IFTAP: variants seen among roughly 807,000 people sequenced by gnomAD.
IFTAP encodes intraflagellar transport-associated protein.
In IFTAP, 19 loss-of-function variants were observed where a neutral mutation model predicts 19.4. The observed-to-expected ratio is 0.98, with a 90% CI of 0.68 to 1.44. The LOEUF (loss-of-function observed/expected upper bound fraction) is 1.44. IFTAP is among the 40% of genes most tolerant of loss of function. IFTAP has a pLI of 0.00. For synonymous variants in IFTAP, 85 were observed against 83.5 expected (o/e 1.02, Z -0.10); for missense variants, 240 against 253.6 (o/e 0.95, Z 0.36).
chr11:36,636,923 GTTTT>G (rs10616172), intron 4 of IFTAP, among the ~76,000 whole-genome samples: 6 of 136,430 alleles, frequency 4.4e-5, no homozygotes, highest in African/African-American at 7.7e-5. Context: ...AAATCAGGAA[GTTTT>G]TTTTTTTTTT....
chr11:36,623,831 C>T (rs944337999), intron 2 of IFTAP, among the ~76,000 whole-genome samples: 11 of 150,778 alleles, frequency 7.3e-5, no homozygotes, highest in African/African-American at 2.7e-4. Flanking sequence ...ATTTCGTACA[C>T]GAAGGTACTT....
chr11:36,646,071 C>T (rs1277762840), intron 4 of IFTAP, among the ~76,000 whole-genome samples: 1 of 152,052 alleles, frequency 6.6e-6, no homozygotes, highest in African/African-American at 2.4e-5. Flanking sequence ...AAGAATTGTT[C>T]CCATGGCAGT....
chr11:36,602,738 A>G (rs1021862802), intron 1 of IFTAP, among the ~76,000 whole-genome samples: 2 of 152,094 alleles, frequency 1.3e-5, no homozygotes, highest in African/African-American at 4.8e-5. Flanking sequence ...TTTTCTTGAT[A>G]AATGTCTAGA....
At position 36,633,383 on chromosome 11, in the gene IFTAP, A is replaced by G. The variant is rs376497358; in HGVS notation, c.236A>G (p.His79Arg). The change falls in exon 3 of 6, where the codon CAT becomes CGT. Residue 79 changes from histidine (H) to arginine (R), a missense_variant. Transcript: ENST00000334307. ...CATAAAAATGAAGCAGATGACTACC[A>G]TCTTAGAAATAAAACCATCTTTCTT... Reference protein sequence around the residue: ...VTHKNEADDYHLRNKTIFLRT... With the variant: ...VTHKNEADDYRLRNKTIFLRT... 408 of 1,604,582 alleles carry G rather than the reference A, an allele frequency of 2.5e-4. No homozygotes were observed. Among genetic ancestry groups the G allele is most frequent in the Non-Finnish European group, 3.4e-4 (396 of 1,175,878 alleles).
At position 36,631,913 on chromosome 11, in the gene IFTAP, ATTC is replaced by A. The variant is rs368139730; in HGVS notation, c.137-1365_137-1363del. 7.2e-3 allele frequency among the ~76,000 whole-genome samples: 1,088 copies of A among 151,282 alleles called. 70 individuals are homozygous for A. Among genetic ancestry groups the A allele is most frequent in the African/African-American group, 0.024 (971 of 40,620 alleles). On this transcript the variant is annotated intron_variant, in intron 2 of 5. Coordinates refer to ENST00000334307, the MANE Select transcript of IFTAP (RefSeq NM_138787.4). ...AGTTCTTCTTTGACTATTGTAAGCCATTCTTCTTTGTCTCCTTTCTGGCTCCCT... is the reference window on the plus strand; with the variant it reads ...AGTTCTTCTTTGACTATTGTAAGCCATTCTTTGTCTCCTTTCTGGCTCCCT...
intron 2 of IFTAP, among the ~76,000 whole-genome samples, chr11:36,620,869 T>G (rs1852263998): frequency 1.7e-5 from 2 of 119,632 alleles, no homozygotes; most frequent in Admixed American, 1.6e-4. Context: ...ATGAAATTGT[T>G]TGATTTACTT....
intron 1 of IFTAP, among the ~76,000 whole-genome samples, chr11:36,604,331 G>A (rs1851616163): frequency 6.6e-6 from 1 of 152,148 alleles, no homozygotes; most frequent in African/African-American, 2.4e-5. Context: ...AGAGGTCTAT[G>A]CCTTTTACAT....
chr11:36,610,395 A>G lies in IFTAP; in HGVS notation c.136+156A>G, dbSNP rs186405840. Among the ~76,000 whole-genome samples, 25 of 152,292 alleles carry G rather than the reference A, an allele frequency of 1.6e-4. No individual in the cohort carries two copies. In the East Asian group the frequency reaches 3.7e-3, roughly 22 times the overall value. On this transcript the variant is annotated intron_variant, in intron 2 of 5. Transcript: ENST00000334307. ...CTAGGGCACTCGTGACTGATGCCCT[A>G]ATGTTACTGATGATATAAATACCAG...
chr11:36,655,924 G>T (rs1487790041), intron 5 of IFTAP, among the ~76,000 whole-genome samples: 2 of 152,090 alleles, frequency 1.3e-5, no homozygotes, highest in Non-Finnish European at 2.9e-5. Flanking sequence ...CCAAGTGACT[G>T]ATGAAGAAAA....
chr11:36,636,295 T>G (rs1035567229), intron 4 of IFTAP, among the ~76,000 whole-genome samples, 178 bp downstream of exon 4: 1 of 152,190 alleles, frequency 6.6e-6, no homozygotes, highest in Non-Finnish European at 1.5e-5. Flanking sequence ...GGTCAAAGCT[T>G]TTTGAAGATT....
chr11:36,638,857 C>G (rs978076266), intron 4 of IFTAP, among the ~76,000 whole-genome samples: 3 of 152,164 alleles, frequency 2.0e-5, no homozygotes, highest in Non-Finnish European at 4.4e-5. Flanking sequence ...GATTTAGGAG[C>G]ATGATTCTTT....
intron 4 of IFTAP, among the ~76,000 whole-genome samples, chr11:36,642,120 A>G (rs1456421387): frequency 1.3e-5 from 2 of 152,218 alleles, no homozygotes; most frequent in Non-Finnish European, 2.9e-5. Context: ...CAAGACTAAT[A>G]AAGAAGAAAA....
At chr11:36,640,149 G>A (rs550362720) in intron 4 of IFTAP, among the ~76,000 whole-genome samples, 4 of 152,254 alleles carry the variant, frequency 2.6e-5, no homozygotes, top group Admixed American at 6.5e-5. Flanking sequence ...TGAAGATGTG[G>A]TATAGGAACC....
intron 2 of IFTAP, among the ~76,000 whole-genome samples, chr11:36,611,935 G>A (rs1166856158): frequency 1.3e-5 from 2 of 152,054 alleles, no homozygotes; most frequent in African/African-American, 4.8e-5. Flanking sequence ...TGGGGTGGTG[G>A]AAATAAGGGT....
chr11:36,609,957 G>T (rs1303225865), intron 1 of IFTAP, 124 bp from the exon 2 acceptor site: 2 of 790,180 alleles, frequency 2.5e-6, no homozygotes, highest in African/African-American at 1.8e-5. Context: ...AGAGGTCACT[G>T]CTCTAGTAAC....
intron 3 of IFTAP, among the ~76,000 whole-genome samples, chr11:36,635,703 C>T (rs1223656516): frequency 1.3e-5 from 2 of 152,138 alleles, no homozygotes; most frequent in Non-Finnish European, 2.9e-5. Context: ...GAAAACAAAA[C>T]CCAGAAACAC....
rs550968280 is a variant in IFTAP, at chr11:36,609,545, C to T, written c.-23-536C>T. On this transcript the variant is annotated intron_variant, in intron 1 of 5. Coordinates refer to ENST00000334307, the MANE Select transcript of IFTAP (RefSeq NM_138787.4). ...AGGGAAGGGGGGGAGTGGAGTCACC[C>T]GATGAATAGAGTGACAGTGAAGTGT... is the stretch of plus-strand genomic sequence containing the variant. Among the ~76,000 whole-genome samples, 3 of 152,156 alleles carry T rather than the reference C, an allele frequency of 2.0e-5. 1 individual carries two copies. Among genetic ancestry groups the T allele is most frequent in the East Asian group, 1.9e-4 (1 of 5,174 alleles).
intron 1 of IFTAP, among the ~76,000 whole-genome samples, chr11:36,609,549 G>A (rs1851802380): frequency 6.6e-6 from 1 of 152,164 alleles, no homozygotes; most frequent in African/African-American, 2.4e-5. Flanking sequence ...GTCACCCGAT[G>A]AATAGAGTGA....
chr11:36,645,364 G>A (rs1004776409), intron 4 of IFTAP, among the ~76,000 whole-genome samples: 2 of 152,084 alleles, frequency 1.3e-5, no homozygotes. Context: ...CAGTCTTGCC[G>A]TCCAACCTCA....
Sources: allele counts gnomAD v4.1 joint callset (sites outside exome capture counted in the v4.1 genomes callset), GRCh38; gene constraint gnomAD v4.1.1; transcripts MANE v1.5; gene names NCBI Gene and HGNC (gene_info 2026-07-23, HGNC 2026-07-21).